SNX13: variants seen among roughly 807,000 people sequenced by gnomAD.
SNX13 encodes sorting nexin 13.
In SNX13, 45 loss-of-function variants were observed where a neutral mutation model predicts 133.6. The ratio of observed to expected loss-of-function variants is 0.34; its 90% CI spans 0.27 to 0.43. The LOEUF (loss-of-function observed/expected upper bound fraction) is 0.43, where lower values mean the gene tolerates loss of function less well. SNX13 is among the 20% of genes least tolerant of loss of function. The probability of loss-of-function intolerance (pLI) is 1.00; values close to 1 mark genes in which losing one functional copy is unlikely to be tolerated. For synonymous variants in SNX13, 414 were observed against 373.9 expected, an observed-to-expected ratio of 1.11 and a Z score of -1.24; for missense variants, 1,032 against 1,145.1, an observed-to-expected ratio of 0.90 and a Z score of 1.43.
intron 17 of SNX13, among the ~76,000 whole-genome samples, chr7:17,823,285 G>A (rs1787511275): frequency 6.6e-6 from 1 of 152,094 alleles, no homozygotes; most frequent in South Asian, 2.1e-4. Flanking sequence ...ATATCTCATA[G>A]CAGTTCAGAC....
intron 5 of SNX13, chr7:17,883,044 A>G (rs760226876): frequency 7.8e-5 from 21 of 270,268 alleles, no homozygotes; most frequent in South Asian, 3.8e-4. Context: ...AAACATCCTG[A>G]TTCATAGAAG....
rs148271643 is a variant in SNX13, at chr7:17,896,046, C to T, written c.125+1288G>A. On this transcript the variant is annotated intron_variant, in intron 2 of 25. Transcript: ENST00000428135. ...CCAATTAATAAATGCAGCCTCGACT[C>T]TGAGAGGGAGAGGTGCAACCATGTC... Among the ~76,000 whole-genome samples the T allele has an allele frequency of 1.8e-3, 278 of 152,272 alleles. 3 individuals carry two copies. Among genetic ancestry groups the T allele is most frequent in the Admixed American group, 0.015 (226 of 15,290 alleles).
intron 18 of SNX13, among the ~76,000 whole-genome samples, chr7:17,821,208 A>C (rs750597052): frequency 5.9e-5 from 9 of 152,164 alleles, no homozygotes; most frequent in Non-Finnish European, 1.2e-4. Context: ...AAGCCCAAAA[A>C]ACTTTGAAAA....
rs1475087984 is a variant in SNX13, at chr7:17,900,760, G to A, written c.13-3314C>T. 2.0e-5 allele frequency among the ~76,000 whole-genome samples: 3 copies of A among 152,102 alleles called. No individual in the cohort carries two copies. In the East Asian group the frequency reaches 5.8e-4, roughly 29 times the overall value. On this transcript the variant is annotated intron_variant, in intron 1 of 25. Coordinates refer to ENST00000428135, the MANE Select transcript of SNX13 (RefSeq NM_015132.5). ...CATGAGATGCTATACAAGAGCCAAG[G>A]CCTAGAATCAGGGACCCCAAGAGCC...
intron 17 of SNX13, 57 bp from the exon 18 acceptor site, chr7:17,821,705 G>C: frequency 1.3e-6 from 2 of 1,511,228 alleles, no homozygotes; most frequent in Non-Finnish European, 1.8e-6. Flanking sequence ...ACAAAATGAA[G>C]AGGAACGAAA....
chr7:17,829,007 A>G (rs908011237), intron 16 of SNX13, among the ~76,000 whole-genome samples: 1 of 151,572 alleles, frequency 6.6e-6, no homozygotes, highest in Non-Finnish European at 1.5e-5. Context: ...TGGTAATGAC[A>G]CCAAATGATT....
At chr7:17,900,243 A>T (rs925726861) in intron 1 of SNX13, 15 of 152,306 alleles carry the variant, frequency 9.8e-5, no homozygotes, top group African/African-American at 3.6e-4. Context: ...CTCCACTGTG[A>T]TGGCACTGGA....
intron 5 of SNX13, among the ~76,000 whole-genome samples, chr7:17,887,720 C>A (rs1796166113): frequency 6.6e-6 from 1 of 152,154 alleles, no homozygotes; most frequent in African/African-American, 2.4e-5. Flanking sequence ...TTAAGCACTT[C>A]ATTTTACAGT....
chr7:17,893,500 C>G, intron 2 of SNX13, 66 bp from the exon 3 acceptor site: 1 of 1,003,306 alleles, frequency 1.0e-6, no homozygotes, highest in Non-Finnish European at 1.5e-6. Context: ...GAATCTACTA[C>G]CAAGTATATT....
intron 17 of SNX13, among the ~76,000 whole-genome samples, chr7:17,825,063 C>G (rs1426550656): frequency 3.9e-5 from 6 of 152,140 alleles, no homozygotes; most frequent in Non-Finnish European, 8.8e-5. Flanking sequence ...GCCACCAAGC[C>G]CAGCCTGAAA....
chr7:17,902,467 C>A (rs1562497294), intron 1 of SNX13, among the ~76,000 whole-genome samples: 1 of 151,996 alleles, frequency 6.6e-6, no homozygotes, highest in Non-Finnish European at 1.5e-5. Context: ...TTATGTTATT[C>A]TAAGTGTTCT....
chr7:17,820,329 G>T (rs1007080215), intron 18 of SNX13, among the ~76,000 whole-genome samples: 7 of 152,034 alleles, frequency 4.6e-5, no homozygotes, highest in African/African-American at 1.7e-4. Context: ...GGAATAAAAA[G>T]ATATATGAGC....
Position 17,834,081 on chromosome 7 carries a change from C to A in SNX13, c.1568G>T (p.Ser523Ile). ...ATCCCCATCATCGGATCCTCTGAAA[C>A]TAGGATCTTTTAACATGTCAAGCTC... Reference protein sequence around the residue: ...LAELDMLKDPSFRGSDDGDGE... With the variant: ...LAELDMLKDPIFRGSDDGDGE... The change falls in exon 15 of 26, where the codon AGT (serine) becomes ATT (isoleucine). Residue 523 changes from serine to isoleucine, a missense_variant. Coordinates refer to ENST00000428135, the MANE Select transcript of SNX13 (RefSeq NM_015132.5). 6.3e-7 allele frequency: 1 copy of A among 1,584,610 alleles called. No individual in the cohort carries two copies. The highest frequency in any genetic ancestry group is 8.6e-7 in the Non-Finnish European group (1 of 1,161,812).
chr7:17,896,751 A>T (rs1797256173), intron 2 of SNX13, among the ~76,000 whole-genome samples: 1 of 152,122 alleles, frequency 6.6e-6, no homozygotes, highest in South Asian at 2.1e-4. Flanking sequence ...CGTGTCTGAT[A>T]CCAAATGCTC....
At chr7:17,908,556 T>C (rs1222796706) in intron 1 of SNX13, among the ~76,000 whole-genome samples, 4 of 152,352 alleles carry the variant, frequency 2.6e-5, no homozygotes, top group East Asian at 1.9e-4. Flanking sequence ...ATATTTTTCA[T>C]TGTATTCTCT....
At chr7:17,915,478 C>G (rs934618136) in intron 1 of SNX13, among the ~76,000 whole-genome samples, 1 of 152,140 alleles carries the variant, frequency 6.6e-6, no homozygotes, top group Non-Finnish European at 1.5e-5. Flanking sequence ...TAAAGTCAAC[C>G]GACAAACAAC....
At chr7:17,859,136 C>T (rs1171299353) in intron 9 of SNX13, among the ~76,000 whole-genome samples, 1 of 151,982 alleles carries the variant, frequency 6.6e-6, no homozygotes, top group East Asian at 1.9e-4. Flanking sequence ...CAAAAGACAT[C>T]ACTGAACGAG....
chr7:17,929,206 A>G (rs1182481920), intron 1 of SNX13, among the ~76,000 whole-genome samples: 2 of 152,082 alleles, frequency 1.3e-5, no homozygotes, highest in South Asian at 2.1e-4. Context: ...GAAAAGATGG[A>G]AAGCATAGAG....
chr7:17,862,403 A>G (rs1355761940), intron 9 of SNX13, among the ~76,000 whole-genome samples: 1 of 152,182 alleles, frequency 6.6e-6, no homozygotes. Context: ...AAAACATACT[A>G]TTTTATTACA....
Sources: allele counts gnomAD v4.1 joint callset (sites outside exome capture counted in the v4.1 genomes callset), GRCh38; gene constraint gnomAD v4.1.1; transcripts MANE v1.5; gene names NCBI Gene and HGNC (gene_info 2026-07-23, HGNC 2026-07-21).